ARHGDIB: variants seen among roughly 807,000 people sequenced by gnomAD.
ARHGDIB encodes rho GDP-dissociation inhibitor 2.
ARHGDIB carries 20 observed loss-of-function variants against 22.6 expected under a neutral mutation model. The ratio of observed to expected loss-of-function variants is 0.88; its 90% CI spans 0.62 to 1.28. The LOEUF is 1.28. Ranked by LOEUF, ARHGDIB falls within the 50% of genes most tolerant of loss-of-function variation. The pLI is 0.00. For missense variants in ARHGDIB, 254 were observed against 245.4 expected (o/e 1.04, Z -0.23); for synonymous variants, 114 against 96.1 (o/e 1.19, Z -1.09).
intron 5 of ARHGDIB, among the ~76,000 whole-genome samples, chr12:14,943,915 C>CT (rs1181271769): frequency 6.6e-6 from 1 of 152,134 alleles, no homozygotes; most frequent in Non-Finnish European, 1.5e-5. Context: ...GGAAATTAAA[C>CT]TTTTTTTTCA....
chr12:14,949,765 T>C, intron 3 of ARHGDIB, 37 bp downstream of exon 3: 1 of 1,598,108 alleles, frequency 6.3e-7, no homozygotes, highest in Non-Finnish European at 8.6e-7. Flanking sequence ...TGTGATATCT[T>C]AGGCCCCCTT....
At chr12:14,957,084 G>T (rs1005776627) in intron 1 of ARHGDIB, among the ~76,000 whole-genome samples, 1 of 152,174 alleles carries the variant, frequency 6.6e-6, no homozygotes. Flanking sequence ...GTAATTCAGA[G>T]AAAGGTGACT....
At chr12:14,948,083 A>G in intron 3 of ARHGDIB, 134 bp from the exon 4 acceptor site, 1 of 547,214 alleles carries the variant, frequency 1.8e-6, no homozygotes, top group Non-Finnish European at 3.4e-6. Flanking sequence ...TTCACAGAGT[A>G]TTTGAGTTTA....
intron 1 of ARHGDIB, among the ~76,000 whole-genome samples, chr12:14,952,824 C>T (rs1008058131): frequency 7.2e-5 from 11 of 152,220 alleles, no homozygotes; most frequent in African/African-American, 2.4e-4. Flanking sequence ...TGAACTGTAT[C>T]ACTTGGTTCT....
At chr12:14,959,454 T>C (rs1403414810) in intron 1 of ARHGDIB, among the ~76,000 whole-genome samples, 1 of 152,226 alleles carries the variant, frequency 6.6e-6, no homozygotes, top group Non-Finnish European at 1.5e-5. Flanking sequence ...GTCAAATTAT[T>C]GAACACTTCT....
chr12:14,945,410 T>C (rs1288518317), intron 4 of ARHGDIB, among the ~76,000 whole-genome samples: 2 of 152,252 alleles, frequency 1.3e-5, no homozygotes, highest in East Asian at 1.9e-4. Flanking sequence ...ATGTTGGATG[T>C]CTGTCATTTT....
rs1326597848 is a variant in ARHGDIB, at chr12:14,960,890, T to C, written c.-13+647A>G. On this transcript the variant is annotated intron_variant, in intron 1 of 5. Transcript: ENST00000228945. ...CAGCCTTTGTCAGTGGTAGAAATTC[T>C]ATCACTGTATGACTCATGAGTACAT... Among the ~76,000 whole-genome samples the C allele has an allele frequency of 5.9e-5, 9 of 152,338 alleles. No homozygotes were observed. The South Asian group carries it at 1.4e-3, about 25-fold the overall frequency.
At chr12:14,959,317 T>C (rs1324219631) in intron 1 of ARHGDIB, among the ~76,000 whole-genome samples, 1 of 151,856 alleles carries the variant, frequency 6.6e-6, no homozygotes, top group Admixed American at 6.6e-5. Context: ...ACTCGGGAGG[T>C]TGAGGCGGGA....
chr12:14,950,458 T>A (rs1864141199), intron 2 of ARHGDIB, 74 bp downstream of exon 2: 1 of 1,392,534 alleles, frequency 7.2e-7, no homozygotes, highest in African/African-American at 1.4e-5. Flanking sequence ...CCTTTGCTGC[T>A]GCTCCTGAGC....
chr12:14,951,924 G>A (rs1034163304), intron 1 of ARHGDIB, among the ~76,000 whole-genome samples: 1 of 152,018 alleles, frequency 6.6e-6, no homozygotes, highest in South Asian at 2.1e-4. Flanking sequence ...CCAAGAGGAA[G>A]AAGTCCCTCT....
chr12:14,942,616 G>C lies in ARHGDIB; in HGVS notation c.512C>G (p.Thr171Arg). 6.2e-7 allele frequency: 1 copy of C among 1,614,148 alleles called. No homozygotes were observed. The highest frequency in any genetic ancestry group is 8.5e-7 in the Non-Finnish European group (1 of 1,180,016). The change falls in exon 6 of 6, where the codon ACG becomes AGG. Residue 171 changes from threonine (T) to arginine (R), a missense_variant. Thr to Arg is a moderately conservative substitution (Grantham distance 71). Coordinates refer to ENST00000228945, the MANE Select transcript of ARHGDIB (RefSeq NM_001175.7). ...GGTGAAGAAGGACTTGTTGTGGTACGTGCCTCGCGCCAGCATGCCCTTGGG... is the reference window on the plus strand; with the variant it reads ...GGTGAAGAAGGACTTGTTGTGGTACCTGCCTCGCGCCAGCATGCCCTTGGG... ...EAPKGMLARG[T>R]YHNKSFFTDD... is the part of the protein sequence containing the mutation.
chr12:14,953,901 T>G (rs1023788914), intron 1 of ARHGDIB, among the ~76,000 whole-genome samples: 1 of 151,606 alleles, frequency 6.6e-6, no homozygotes, highest in African/African-American at 2.4e-5. Flanking sequence ...CTCTCCCTTC[T>G]TTCTTTCTCT....
rs766914252 is a variant in ARHGDIB at position 14,947,863 on chromosome 12, G to A, written c.342+10C>T. Reference sequence around the variant, plus strand: ...AAACTTTACAAAAACACACAAGGCAGGATACTTACTTTGAAGTGAATTTTG... The same window carrying A: ...AAACTTTACAAAAACACACAAGGCAAGATACTTACTTTGAAGTGAATTTTG... On this transcript the variant is annotated intron_variant, in intron 4 of 5. Transcript: ENST00000228945. 4 of 1,592,574 alleles carry A rather than the reference G, an allele frequency of 2.5e-6. No homozygotes were observed. The East Asian group carries it at 8.9e-5, about 36-fold the overall frequency.
intron 1 of ARHGDIB, among the ~76,000 whole-genome samples, chr12:14,954,598 C>T (rs137891768): frequency 1.3e-5 from 2 of 152,294 alleles, no homozygotes; most frequent in African/African-American, 4.8e-5. Flanking sequence ...ATGTTGCAAC[C>T]ACTGCGGATC....
intron 1 of ARHGDIB, among the ~76,000 whole-genome samples, chr12:14,955,367 A>T (rs1211416676): frequency 5.9e-5 from 9 of 152,226 alleles, no homozygotes; most frequent in Admixed American, 5.9e-4. Flanking sequence ...GATTCTAAAA[A>T]TGAGACATTC....
In ARHGDIB at chr12:14,950,596, G is replaced by A; in HGVS notation, c.117C>T (p.Asp39=). 6.2e-7 allele frequency: 1 copy of A among 1,613,944 alleles called. No individual in the cohort carries two copies. Among genetic ancestry groups the A allele is most frequent in the East Asian group, 2.2e-5 (1 of 44,876 alleles). ...QKSLKELQEM[D]KDDESLIKYK... ...ACTTAATTAGACTCTCATCATCTTT[G>A]TCCATTTCCTGCAGCTCTTTCAGGG... Residue 39 remains aspartate (D), a synonymous_variant, in exon 2 of 6, where the codon GAC becomes GAT. Coordinates refer to ENST00000228945, the MANE Select transcript of ARHGDIB (RefSeq NM_001175.7).
intron 1 of ARHGDIB, among the ~76,000 whole-genome samples, chr12:14,959,048 A>G (rs1442161779): frequency 6.6e-6 from 1 of 152,188 alleles, no homozygotes; most frequent in Non-Finnish European, 1.5e-5. Context: ...CCTGAGCCTC[A>G]GGAGGTCGAG....
chr12:14,948,330 C>T (rs1191502870), intron 3 of ARHGDIB, among the ~76,000 whole-genome samples: 1 of 152,040 alleles, frequency 6.6e-6, no homozygotes, highest in Non-Finnish European at 1.5e-5. Context: ...AAAGAATATG[C>T]CCCTTACCCC....
intron 1 of ARHGDIB, among the ~76,000 whole-genome samples, chr12:14,955,093 G>T (rs143080996): frequency 2.5e-3 from 376 of 151,998 alleles, no homozygotes; most frequent in Non-Finnish European, 4.3e-3. Context: ...TCACTGAACA[G>T]GTCTTTGCAT....
Sources: allele counts gnomAD v4.1 joint callset (sites outside exome capture counted in the v4.1 genomes callset), GRCh38; gene constraint gnomAD v4.1.1; transcripts MANE v1.5; gene names NCBI Gene and HGNC (gene_info 2026-07-23, HGNC 2026-07-21).